SYT14: variants seen among roughly 807,000 people sequenced by gnomAD.
SYT14 encodes synaptotagmin 14.
A neutral mutation model predicts 74.2 loss-of-function variants in SYT14; 32 were observed. The observed-to-expected ratio is 0.43, with a 90% CI of 0.33 to 0.58. The LOEUF (loss-of-function observed/expected upper bound fraction) is 0.58, where lower values mean the gene tolerates loss of function less well. Among genes scored for constraint, SYT14 ranks in the 20% least tolerant of loss-of-function variants. The pLI is 0.05. For missense variants in SYT14, 791 were observed against 981.8 expected, an observed-to-expected ratio of 0.81 and a Z score of 2.60; for synonymous variants, 298 against 337.7, an observed-to-expected ratio of 0.88 and a Z score of 1.29.
At chr1:210,011,483 C>G (rs796656815) in intron 2 of SYT14, among the ~76,000 whole-genome samples, 1 of 152,176 alleles carries the variant, frequency 6.6e-6, no homozygotes, top group African/African-American at 2.4e-5. Context: ...GCACTCCTAC[C>G]GTTCCTCCCG....
intron 5 of SYT14, among the ~76,000 whole-genome samples, chr1:210,027,267 T>G (rs2080433082): frequency 6.6e-6 from 1 of 152,084 alleles, no homozygotes; most frequent in African/African-American, 2.4e-5. Context: ...TTTGAAAAAC[T>G]AGCCGAGCCT....
At chr1:210,027,006 A>C (rs1040695772) in intron 5 of SYT14, among the ~76,000 whole-genome samples, 1 of 152,094 alleles carries the variant, frequency 6.6e-6, no homozygotes. Flanking sequence ...AGTTAGAGGC[A>C]CTGATCCCCC....
At chr1:209,955,959 T>C (rs1432175021) in intron 2 of SYT14, among the ~76,000 whole-genome samples, 2 of 152,212 alleles carry the variant, frequency 1.3e-5, no homozygotes, top group African/African-American at 2.4e-5. Flanking sequence ...TTTCAGAACT[T>C]ACATTTTTAT....
chr1:210,161,151 C>T (rs769565898), exon 10 of SYT14: 3 of 1,204,782 alleles, frequency 2.5e-6, no homozygotes, highest in African/African-American at 1.5e-5. Flanking sequence ...GAATCATATT[C>T]AACCTTCTAC....
chr1:210,134,396 C>T (rs2082739032), intron 7 of SYT14, among the ~76,000 whole-genome samples: 1 of 152,200 alleles, frequency 6.6e-6, no homozygotes, highest in East Asian at 1.9e-4. Flanking sequence ...TGTGAGCCAC[C>T]ACACCCTGTT....
intron 5 of SYT14, among the ~76,000 whole-genome samples, chr1:210,026,330 T>A (rs1009695212): frequency 6.6e-6 from 1 of 152,124 alleles, no homozygotes; most frequent in Non-Finnish European, 1.5e-5. Context: ...CCTCTGAAAT[T>A]TCACTCATGC....
intron 5 of SYT14, among the ~76,000 whole-genome samples, chr1:210,027,374 A>G (rs187891491): frequency 6.6e-6 from 1 of 151,898 alleles, no homozygotes; most frequent in African/African-American, 2.4e-5. Context: ...GTGATCATGC[A>G]ACTACACTCC....
chr1:209,978,435 C>G (rs1169147815), intron 2 of SYT14, among the ~76,000 whole-genome samples: 1 of 152,200 alleles, frequency 6.6e-6, no homozygotes, highest in East Asian at 1.9e-4. Flanking sequence ...TCAGGACCCT[C>G]AGCTGCAGGT....
At chr1:209,956,202 A>T (rs1449947315) in intron 2 of SYT14, among the ~76,000 whole-genome samples, 2 of 152,012 alleles carry the variant, frequency 1.3e-5, no homozygotes, top group East Asian at 3.9e-4. Flanking sequence ...CCTAGAAAAG[A>T]TTTTTCTGCT....
At chr1:209,987,283 C>T (rs1410489246) in intron 2 of SYT14, among the ~76,000 whole-genome samples, 1 of 152,140 alleles carries the variant, frequency 6.6e-6, no homozygotes, top group Non-Finnish European at 1.5e-5. Context: ...TTAGGCAATT[C>T]TTGTGTTGCT....
chr1:210,128,300 C>G (rs368436888), intron 7 of SYT14, among the ~76,000 whole-genome samples: 1 of 151,620 alleles, frequency 6.6e-6, no homozygotes, highest in African/African-American at 2.4e-5. Flanking sequence ...TTGCTTGAGG[C>G]TGGGAGATTG....
chr1:209,977,198 C>T (rs1179810617), intron 2 of SYT14, among the ~76,000 whole-genome samples: 1 of 152,052 alleles, frequency 6.6e-6, no homozygotes, highest in African/African-American at 2.4e-5. Context: ...AGCATTTAGC[C>T]CATTTACATT....
intron 2 of SYT14, among the ~76,000 whole-genome samples, chr1:209,961,381 A>C (rs2079073565): frequency 6.6e-6 from 1 of 152,174 alleles, no homozygotes; most frequent in African/African-American, 2.4e-5. Flanking sequence ...AAGAACAATA[A>C]AGTAACTTTT....
chr1:209,946,839 C>T (rs1022386845), intron 1 of SYT14, among the ~76,000 whole-genome samples: 5 of 152,162 alleles, frequency 3.3e-5, no homozygotes, highest in African/African-American at 1.2e-4. Flanking sequence ...TTCAAAGCTT[C>T]AAAGGACAGG....
chr1:209,942,362 C>CA (rs1491007906), intron 1 of SYT14, among the ~76,000 whole-genome samples: 1 of 21,696 alleles, frequency 4.6e-5, no homozygotes, highest in South Asian at 4.7e-3. Context: ...GCAAATTTAC[C>CA]CCCCCCCCCC....
intron 6 of SYT14, among the ~76,000 whole-genome samples, chr1:210,097,497 A>G (rs2081987849): frequency 6.6e-6 from 1 of 152,104 alleles, no homozygotes; most frequent in Admixed American, 6.6e-5. Context: ...GGGTTTCATA[A>G]GAGTTGTTGG....
At chr1:209,974,672 A>T (rs10127534) in intron 2 of SYT14, among the ~76,000 whole-genome samples, 135,482 of 151,786 alleles carry the variant, frequency 0.89, 60,740 homozygotes, top group African/African-American at 0.97. Context: ...TTCTTTTGGC[A>T]TAGGATTGAC....
chr1:210,077,382 G>A (rs1293021115), intron 5 of SYT14, among the ~76,000 whole-genome samples: 1 of 152,194 alleles, frequency 6.6e-6, no homozygotes, highest in East Asian at 1.9e-4. Flanking sequence ...CAACATTGGG[G>A]ATTATATCTC....
intron 5 of SYT14, among the ~76,000 whole-genome samples, chr1:210,068,730 A>G (rs1292212332): frequency 2.6e-5 from 4 of 151,878 alleles, no homozygotes; most frequent in East Asian, 3.9e-4. Context: ...TTTTTAAAAA[A>G]TAATTCTTTA....
Sources: gnomAD v4.1 joint callset for allele counts (sites outside exome capture counted in the v4.1 genomes callset) on GRCh38, gnomAD v4.1.1 for gene constraint, MANE v1.5 for transcripts, NCBI Gene and HGNC (gene_info 2026-07-23, HGNC 2026-07-21) for gene names.